Variants in AP3B1 observed in about 807,000 individuals in gnomAD.
The protein encoded by AP3B1 is adaptor related protein complex 3 subunit beta 1.
Under a neutral mutation model 132.5 loss-of-function variants are expected in AP3B1, and 61 were observed. The ratio of observed to expected loss-of-function variants is 0.46; its 90% CI spans 0.37 to 0.57. AP3B1 has a LOEUF of 0.57. Ranked by LOEUF, AP3B1 falls within the 20% of genes least tolerant of loss-of-function variation. The pLI, the probability that AP3B1 is intolerant of heterozygous loss-of-function variation, is 0.00. For missense variants in AP3B1, 1,120 were observed against 1,289.4 expected, an observed-to-expected ratio of 0.87 and a Z score of 2.01; for synonymous variants, 388 against 438.3, an observed-to-expected ratio of 0.89 and a Z score of 1.43.
At chr5:78,024,565 T>A (rs913239162) in intron 24 of AP3B1, among the ~76,000 whole-genome samples, 7 of 144,598 alleles carry the variant, frequency 4.8e-5, no homozygotes, top group Admixed American at 3.5e-4. Flanking sequence ...AATTTAATTT[T>A]TTTTTTTTTT....
At chr5:78,196,612 T>A (rs967181957) in intron 7 of AP3B1, among the ~76,000 whole-genome samples, 1 of 152,160 alleles carries the variant, frequency 6.6e-6, no homozygotes, top group Admixed American at 6.5e-5. Context: ...TAGAAAGTGC[T>A]CAAAATGTCT....
At chr5:78,116,675 C>A (rs138640117) in intron 17 of AP3B1, among the ~76,000 whole-genome samples, 67 of 152,036 alleles carry the variant, frequency 4.4e-4, no homozygotes, top group Middle Eastern at 3.4e-3. Flanking sequence ...CTAACCATCT[C>A]AACAGCCTAA....
chr5:78,195,225 G>A (rs572611311), intron 7 of AP3B1, among the ~76,000 whole-genome samples: 8 of 152,156 alleles, frequency 5.3e-5, no homozygotes, highest in Non-Finnish European at 1.2e-4. Context: ...GGGTAAGGTA[G>A]CAAAACGAGA....
At chr5:78,124,359 A>AAC (rs369100371) in intron 17 of AP3B1, among the ~76,000 whole-genome samples, 42 of 151,920 alleles carry the variant, frequency 2.8e-4, no homozygotes, top group South Asian at 1.7e-3. Flanking sequence ...ATAAAAATTA[A>AAC]ACACACACAC....
intron 22 of AP3B1, among the ~76,000 whole-genome samples, chr5:78,069,794 A>G (rs768558407): frequency 6.6e-6 from 1 of 152,186 alleles, no homozygotes; most frequent in Non-Finnish European, 1.5e-5. Context: ...TATAGCCAAG[A>G]CAATCCTAAG....
intron 7 of AP3B1, among the ~76,000 whole-genome samples, chr5:78,212,469 T>TA (rs1180315298): frequency 6.6e-6 from 1 of 152,200 alleles, no homozygotes; most frequent in Non-Finnish European, 1.5e-5. Context: ...TACATTGTTT[T>TA]AGTGACACTT....
intron 19 of AP3B1, among the ~76,000 whole-genome samples, chr5:78,112,189 A>G (rs993870131): frequency 6.6e-6 from 1 of 152,208 alleles, no homozygotes; most frequent in Non-Finnish European, 1.5e-5. Context: ...GAAAGAATCA[A>G]TATTTCCTAG....
intron 1 of AP3B1, among the ~76,000 whole-genome samples, chr5:78,270,810 T>C (rs980215603): frequency 6.6e-6 from 1 of 152,192 alleles, no homozygotes; most frequent in Non-Finnish European, 1.5e-5. Context: ...GCTCTTTCTG[T>C]TGACATCTGA....
At chr5:78,094,975 CT>C (rs1750711734) in intron 21 of AP3B1, among the ~76,000 whole-genome samples, 1 of 152,188 alleles carries the variant, frequency 6.6e-6, no homozygotes, top group Admixed American at 6.5e-5. Flanking sequence ...GCCACCAGGC[CT>C]GGCCAACTGA....
rs573633646 is a variant in AP3B1, at chr5:78,055,152, A to G, written c.2578-15878T>C. On this transcript the variant is annotated intron_variant, in intron 22 of 26. Transcript: ENST00000255194. ...GGATGGAGAGAACGTGATTTACTAC[A>G]TAAGGCCTGGTTTTCTTCATGGCAA... Among the ~76,000 whole-genome samples the G allele has an allele frequency of 7.9e-5, 12 of 152,320 alleles. No individual in the cohort carries two copies. In the East Asian group the frequency reaches 2.3e-3, roughly 29 times the overall value.
chr5:78,174,207 C>T (rs1008031018), intron 11 of AP3B1, among the ~76,000 whole-genome samples: 2 of 150,830 alleles, frequency 1.3e-5, no homozygotes, highest in African/African-American at 2.4e-5. Context: ...AGTCATTCTC[C>T]ATCCAGCGTT....
chr5:78,149,759 C>T (rs114489885), intron 14 of AP3B1, among the ~76,000 whole-genome samples: 16 of 152,210 alleles, frequency 1.1e-4, no homozygotes, highest in Non-Finnish European at 2.1e-4. Context: ...CCAAGTCATC[C>T]GGTTTTCAAA....
intron 7 of AP3B1, among the ~76,000 whole-genome samples, chr5:78,192,712 G>C (rs1230705248): frequency 6.6e-6 from 1 of 152,182 alleles, no homozygotes; most frequent in Non-Finnish European, 1.5e-5. Flanking sequence ...TGGGGCCTTT[G>C]AAAGGTGATT....
At chr5:78,230,469 T>G (rs940981417) in intron 3 of AP3B1, among the ~76,000 whole-genome samples, 1 of 152,202 alleles carries the variant, frequency 6.6e-6, no homozygotes, top group Non-Finnish European at 1.5e-5. Flanking sequence ...CTTTTTCCAA[T>G]TACTCTTCAA....
chr5:78,089,376 T>C lies in AP3B1; in HGVS notation c.2577+17A>G. On this transcript the variant is annotated intron_variant, in intron 22 of 26. Coordinates refer to ENST00000255194, the MANE Select transcript of AP3B1 (RefSeq NM_003664.5). ...AACATAAGAAAACCGAGCTGGTGGATTTTAAAAATAACTTACACTGATGAC... is the reference window on the plus strand; with the variant it reads ...AACATAAGAAAACCGAGCTGGTGGACTTTAAAAATAACTTACACTGATGAC... The C allele has an allele frequency of 6.4e-7, 1 of 1,564,556 alleles. No homozygotes were observed. The highest frequency in any genetic ancestry group is 1.7e-5 in the Admixed American group (1 of 59,868).
intron 22 of AP3B1, among the ~76,000 whole-genome samples, chr5:78,053,117 A>G (rs1434649585): frequency 6.6e-6 from 1 of 152,210 alleles, no homozygotes; most frequent in Non-Finnish European, 1.5e-5. Context: ...TTTTTCATTC[A>G]CAAGATTAAA....
intron 2 of AP3B1, among the ~76,000 whole-genome samples, chr5:78,261,558 C>A (rs887491723): frequency 2.6e-5 from 4 of 152,156 alleles, no homozygotes; most frequent in Admixed American, 6.6e-5. Context: ...CTCTGCCTTT[C>A]GGGTTCAAGC....
chr5:78,121,972 G>A (rs1301165775), intron 17 of AP3B1: 2 of 152,250 alleles, frequency 1.3e-5, no homozygotes, highest in African/African-American at 2.4e-5. Context: ...ACCGAATCCA[G>A]CAGCACATCA....
chr5:78,156,200 TAACAA>T, intron 14 of AP3B1, 53 bp downstream of exon 14: 1 of 1,283,296 alleles, frequency 7.8e-7, no homozygotes, highest in Non-Finnish European at 1.1e-6. Context: ...CCATTTATTT[TAACAA>T]AATTACAACT....
Sources: gnomAD v4.1 joint callset for allele counts (sites outside exome capture counted in the v4.1 genomes callset) on GRCh38, gnomAD v4.1.1 for gene constraint, MANE v1.5 for transcripts, NCBI Gene and HGNC (gene_info 2026-07-23, HGNC 2026-07-21) for gene names.